TRPM8: variants seen among roughly 807,000 people sequenced by gnomAD.
The protein encoded by TRPM8 is TRPM8 cationic channel.
In TRPM8, 110 loss-of-function variants were observed where a neutral mutation model predicts 133.7. The ratio of observed to expected loss-of-function variants is 0.82; its 90% CI spans 0.70 to 0.96. TRPM8 has a LOEUF of 0.96. Among genes scored for constraint, TRPM8 ranks in the 40% least tolerant of loss-of-function variants. TRPM8 has a pLI of 0.00. For missense variants in TRPM8, 1,291 were observed against 1,379.5 expected (o/e 0.94, Z 1.02); for synonymous variants, 535 against 532.3 (o/e 1.01, Z -0.07).
At chr2:234,000,446 T>C (rs1331824992) in intron 22 of TRPM8, among the ~76,000 whole-genome samples, 2 of 152,190 alleles carry the variant, frequency 1.3e-5, no homozygotes, top group African/African-American at 4.8e-5. Context: ...AACTTGGCTC[T>C]AGAAAATGAC....
intron 17 of TRPM8, among the ~76,000 whole-genome samples, chr2:233,973,884 C>A (rs1047356610): frequency 1.3e-5 from 2 of 152,232 alleles, no homozygotes; most frequent in Non-Finnish European, 2.9e-5. Flanking sequence ...CAGCTAGGAG[C>A]CCTGGAGCCA....
chr2:233,927,916 C>T (rs190180761), intron 2 of TRPM8, among the ~76,000 whole-genome samples: 1,642 of 32,098 alleles, frequency 0.051, 116 homozygotes, highest in African/African-American at 0.21. Flanking sequence ...CTTTCTCTCT[C>T]TCTCTCTTTC....
intron 4 of TRPM8, 138 bp downstream of exon 4, chr2:233,937,647 A>G: frequency 9.4e-7 from 1 of 1,065,152 alleles, no homozygotes; most frequent in East Asian, 2.4e-5. Context: ...GCAGAAAAAG[A>G]TACATCTTGT....
chr2:233,993,696 T>C (rs1692337227), intron 21 of TRPM8, among the ~76,000 whole-genome samples: 1 of 152,216 alleles, frequency 6.6e-6, no homozygotes, highest in Non-Finnish European at 1.5e-5. Context: ...AATCTCTTCC[T>C]ACTTGGACTC....
At chr2:234,005,547 T>C (rs1024379637) in intron 22 of TRPM8, among the ~76,000 whole-genome samples, 4 of 152,110 alleles carry the variant, frequency 2.6e-5, no homozygotes, top group Admixed American at 1.3e-4. Context: ...ATTCAAAAAA[T>C]TAGTTAAGAA....
intron 2 of TRPM8, among the ~76,000 whole-genome samples, chr2:233,926,963 C>T (rs929228766): frequency 2.0e-5 from 3 of 152,124 alleles, no homozygotes; most frequent in African/African-American, 7.2e-5. Context: ...AGGACACAGA[C>T]GTGCCCAATC....
chr2:234,015,793 T>C (rs998302547), intron 25 of TRPM8, among the ~76,000 whole-genome samples: 6 of 152,250 alleles, frequency 3.9e-5, no homozygotes, highest in African/African-American at 1.4e-4. Flanking sequence ...GGAGAACTTA[T>C]TTCAACTTTT....
chr2:233,922,476 T>A (rs1691430853), intron 1 of TRPM8, among the ~76,000 whole-genome samples: 1 of 152,158 alleles, frequency 6.6e-6, no homozygotes, highest in African/African-American at 2.4e-5. Context: ...TTGCTTTACA[T>A]AATATTTTAG....
Position 233,937,397 on chromosome 2 carries a change from A to G in TRPM8, c.236A>G (p.Glu79Gly), listed in dbSNP as rs201054729. The stretch of plus-strand genomic sequence containing the variant: ...GGCTATGCCCAGAGCCAGCACATGG[A>G]AGGCACCCAGATCAACCAAAGTGAG... ...KCGYAQSQHM[E>G]GTQINQSEKW... Residue 79 changes from glutamate to glycine, a missense_variant, in exon 4 of 26, where the codon GAA becomes GGA. Coordinates refer to ENST00000324695, the MANE Select transcript of TRPM8 (RefSeq NM_024080.5). 3.1e-6 allele frequency: 5 copies of G among 1,614,078 alleles called. No individual in the cohort carries two copies. The African/African-American group carries it at 6.7e-5, about 22-fold the overall frequency.
At position 234,015,260 on chromosome 2, in the gene TRPM8, C is replaced by T. The variant is rs373334588; in HGVS notation, c.*42+606C>T. 2.6e-4 allele frequency among the ~76,000 whole-genome samples: 39 copies of T among 152,268 alleles called. 1 individual carries two copies. In the South Asian group the frequency reaches 7.5e-3, roughly 29 times the overall value. ...ACTGTTTGCTTTTATTATGTTTTCT[C>T]ATTACCTGTCCAAATCTTGAAACCA... On this transcript the variant is annotated intron_variant, in intron 25 of 25. Coordinates refer to ENST00000324695, the MANE Select transcript of TRPM8 (RefSeq NM_024080.5).
At chr2:233,960,673 C>A in intron 11 of TRPM8, 103 bp from the exon 12 acceptor site, 2 of 856,408 alleles carry the variant, frequency 2.3e-6, no homozygotes, top group Non-Finnish European at 3.7e-6. Context: ...TATTATTACT[C>A]TGTGGCTGGA....
intron 22 of TRPM8, among the ~76,000 whole-genome samples, chr2:233,999,103 C>T (rs1349763888): frequency 6.6e-6 from 1 of 151,138 alleles, no homozygotes; most frequent in Non-Finnish European, 1.5e-5. Flanking sequence ...AACTTGGTTT[C>T]CTGAAAGCAT....
intron 20 of TRPM8, among the ~76,000 whole-genome samples, chr2:233,984,289 C>T (rs1422532367): frequency 6.6e-6 from 1 of 152,162 alleles, no homozygotes; most frequent in Non-Finnish European, 1.5e-5. Flanking sequence ...AGATGAGGAT[C>T]TCTGGCACGG....
chr2:233,918,301 G>T lies in TRPM8; in HGVS notation c.-6+869G>T, dbSNP rs151075899. On this transcript the variant is annotated intron_variant, in intron 1 of 25. Transcript: ENST00000324695. ...GCTGTTTATTATTATTTATTAATAA[G>T]ATATTTATAATTATATTACAAATAA... Among the ~76,000 whole-genome samples, 2,230 of 149,148 alleles carry T rather than the reference G, an allele frequency of 0.015. 209 individuals carry two copies. In the East Asian group the frequency reaches 0.22, roughly 15 times the overall value.
chr2:233,928,221 G>T (rs534931665), intron 2 of TRPM8, among the ~76,000 whole-genome samples: 1 of 151,810 alleles, frequency 6.6e-6, no homozygotes, highest in Non-Finnish European at 1.5e-5. Flanking sequence ...CGCCCACCTC[G>T]GCCTCCCAAA....
chr2:233,925,353 G>A (rs538276421), intron 1 of TRPM8, among the ~76,000 whole-genome samples: 9 of 152,266 alleles, frequency 5.9e-5, no homozygotes, highest in African/African-American at 2.2e-4. Context: ...AAATCATGAT[G>A]CCCACAGCTT....
chr2:233,988,106 A>G (rs1185401159), intron 21 of TRPM8, among the ~76,000 whole-genome samples: 1 of 152,034 alleles, frequency 6.6e-6, no homozygotes, highest in African/African-American at 2.4e-5. Flanking sequence ...CATTCAGGAT[A>G]AATTTCAGTC....
chr2:233,947,337 TG>T, intron 8 of TRPM8, 182 bp downstream of exon 8: 3 of 1,541,944 alleles, frequency 1.9e-6, no homozygotes, highest in Non-Finnish European at 2.6e-6. Flanking sequence ...CAAGAAGATT[TG>T]GGAGGAGAAT....
chr2:233,979,347 C>T (rs2125271114), intron 17 of TRPM8, among the ~76,000 whole-genome samples: 1 of 152,310 alleles, frequency 6.6e-6, no homozygotes, highest in East Asian at 1.9e-4. Context: ...ATTAGCATTG[C>T]ACCTAATCCA....
Sources: gnomAD v4.1 joint callset for allele counts (sites outside exome capture counted in the v4.1 genomes callset) on GRCh38, gnomAD v4.1.1 for gene constraint, MANE v1.5 for transcripts, NCBI Gene and HGNC (gene_info 2026-07-23, HGNC 2026-07-21) for gene names.